RBM25: variants seen among roughly 807,000 people sequenced by gnomAD.
RBM25 encodes the protein RNA binding motif protein 25.
A neutral mutation model predicts 120.7 loss-of-function variants in RBM25; 19 were observed. The observed-to-expected ratio is 0.16, with a 90% CI of 0.11 to 0.23. The LOEUF (loss-of-function observed/expected upper bound fraction) is 0.23. Ranked by LOEUF, RBM25 falls within the 10% of genes least tolerant of loss-of-function variation. The probability of loss-of-function intolerance (pLI) is 1.00; values close to 1 mark genes in which losing one functional copy is unlikely to be tolerated. For missense variants in RBM25, 605 were observed against 1,041.5 expected (o/e 0.58, Z 5.77); for synonymous variants, 390 against 326.7 (o/e 1.19, Z -2.09).
chr14:73,115,153 CGTGTGT>C (rs33924709), intron 18 of RBM25, among the ~76,000 whole-genome samples: 4,554 of 146,724 alleles, frequency 0.031, 90 homozygotes, highest in Non-Finnish European at 0.039. Flanking sequence ...GGAACTGATA[CGTGTGT>C]GTGTGTGTGT....
chr14:73,107,366 G>C (rs1814001896), intron 12 of RBM25: 1 of 153,136 alleles, frequency 6.5e-6, no homozygotes, highest in South Asian at 2.0e-4. Context: ...AAATTTAAGA[G>C]GACAAGAAAA....
At chr14:73,104,425 G>A (rs2140456503) in intron 10 of RBM25, among the ~76,000 whole-genome samples, 1 of 151,072 alleles carries the variant, frequency 6.6e-6, no homozygotes, top group Non-Finnish European at 1.5e-5. Context: ...TTGGAGTGCA[G>A]TGGTACAGTG....
At chr14:73,111,989 TGAA>T (rs1896318792) in intron 16 of RBM25, among the ~76,000 whole-genome samples, 160 bp from the exon 17 acceptor site, 1 of 152,234 alleles carries the variant, frequency 6.6e-6, no homozygotes, top group Non-Finnish European at 1.5e-5. Context: ...TTGTGCTACT[TGAA>T]GACTTACTAA....
chr14:73,090,259 C>T (rs1273589560), intron 6 of RBM25, among the ~76,000 whole-genome samples: 2 of 151,872 alleles, frequency 1.3e-5, no homozygotes, highest in African/African-American at 4.8e-5. Flanking sequence ...CCATGTCTTC[C>T]AGGCTGGTCT....
In RBM25 at chr14:73,077,519, A is replaced by G; in HGVS notation, c.307A>G (p.Ile103Val). The part of the protein sequence containing the change: ...NISEKASDML[I>V]RQLLAKCGLV... Reference sequence around the variant, plus strand: ...TTCCGAGAAAGCTTCAGACATGCTTATAAGACAACTCTTAGCTGTAAGTTA... The same window carrying G: ...TTCCGAGAAAGCTTCAGACATGCTTGTAAGACAACTCTTAGCTGTAAGTTA... Residue 103 changes from isoleucine to valine, a missense_variant, in exon 4 of 19, where the codon ATA becomes GTA. Ile to Val is a conservative substitution (Grantham distance 29). This residue lies in a region of RBM25 where 27 missense variants were observed against 109.4 expected (regional missense o/e 0.25). Transcript: ENST00000261973. 2 of 1,612,274 alleles carry G rather than the reference A, an allele frequency of 1.2e-6. No individual in the cohort carries two copies. The highest frequency in any genetic ancestry group is 1.7e-6 in the Non-Finnish European group (2 of 1,179,454).
intron 9 of RBM25, chr14:73,101,646 CTG>C (rs1351845288): frequency 6.6e-6 from 1 of 151,590 alleles, no homozygotes; most frequent in Admixed American, 6.6e-5. Flanking sequence ...ATTTATATAA[CTG>C]AATATAAGGA....
At position 73,097,446 on chromosome 14, in the gene RBM25, G is replaced by A. The variant is rs561614306; in HGVS notation, c.729+346G>A. ...AATCTCGTGACCTCGTGGTCGACCC[G>A]CCTCGGCCTCCCACAGTGCTGGGAT... On this transcript the variant is annotated intron_variant, in intron 7 of 18. Coordinates refer to ENST00000261973, the MANE Select transcript of RBM25 (RefSeq NM_021239.3). Among the ~76,000 whole-genome samples the A allele has an allele frequency of 3.3e-5, 5 of 152,080 alleles. No homozygotes were observed. The South Asian group carries it at 1.0e-3, about 32-fold the overall frequency.
intron 1 of RBM25, among the ~76,000 whole-genome samples, chr14:73,062,890 G>A (rs1030423616): frequency 4.1e-5 from 6 of 146,336 alleles, no homozygotes; most frequent in East Asian, 2.0e-4. Context: ...GTGTGAGCTC[G>A]GCTCATTGCA....
At chr14:73,112,584 A>G (rs1389123742) in intron 17 of RBM25, among the ~76,000 whole-genome samples, 7 of 152,012 alleles carry the variant, frequency 4.6e-5, no homozygotes, top group Admixed American at 2.0e-4. Context: ...ATGCTGTGCC[A>G]TCTTCTTCTT....
intron 6 of RBM25, among the ~76,000 whole-genome samples, chr14:73,092,901 G>A (rs148844212): frequency 1.3e-5 from 2 of 152,260 alleles, no homozygotes; most frequent in African/African-American, 4.8e-5. Flanking sequence ...TTGCGCATGT[G>A]TAAGGTGTCT....
chr14:73,099,682 A>G lies in RBM25; in HGVS notation c.799A>G (p.Ile267Val). ...PLITKEDINA[I>V]EMEEDKRDLI... ...TTTCTTTTAGGAGGATATAAATGCTATAGAAATGGAAGAAGACAAAAGAGA... is the reference window on the plus strand; with the variant it reads ...TTTCTTTTAGGAGGATATAAATGCTGTAGAAATGGAAGAAGACAAAAGAGA... The change falls in exon 9 of 19, where the codon ATA (isoleucine) becomes GTA (valine). Residue 267 changes from isoleucine to valine, a missense_variant. This residue lies in a region of RBM25 where 465 missense variants were observed against 741.6 expected (regional missense o/e 0.63). Transcript: ENST00000261973. The G allele has an allele frequency of 6.2e-7, 1 of 1,602,870 alleles. No individual in the cohort carries two copies. The highest frequency in any genetic ancestry group is 8.5e-7 in the Non-Finnish European group (1 of 1,177,364).
chr14:73,073,788 G>A (rs1895349422), intron 2 of RBM25, among the ~76,000 whole-genome samples: 1 of 152,154 alleles, frequency 6.6e-6, no homozygotes, highest in Non-Finnish European at 1.5e-5. Context: ...TTGTAGTGGA[G>A]CTGCTTTACG....
chr14:73,080,697 C>T (rs1594906804), intron 4 of RBM25, among the ~76,000 whole-genome samples: 1 of 152,222 alleles, frequency 6.6e-6, no homozygotes, highest in South Asian at 2.1e-4. Context: ...GTCTCCCTTC[C>T]CTACTTCCTT....
chr14:73,068,276 T>G (rs1895190540), intron 1 of RBM25: 8 of 845,660 alleles, frequency 9.5e-6, no homozygotes, highest in South Asian at 6.6e-5. Flanking sequence ...CCCAATAGAT[T>G]TGGTTTGTGG....
At chr14:73,059,016 T>C (rs1841826343) in intron 1 of RBM25, among the ~76,000 whole-genome samples, 2 of 151,438 alleles carry the variant, frequency 1.3e-5, no homozygotes, top group Non-Finnish European at 2.9e-5. Context: ...CTGCCCCCCC[T>C]GGGCTCCACG....
intron 4 of RBM25, among the ~76,000 whole-genome samples, chr14:73,078,700 A>G (rs533470315): frequency 3.3e-5 from 5 of 152,234 alleles, no homozygotes; most frequent in Non-Finnish European, 5.9e-5. Flanking sequence ...TGCCTCCTGT[A>G]TTTAAGTGAT....
intron 6 of RBM25, among the ~76,000 whole-genome samples, chr14:73,090,509 G>T (rs763362634): frequency 1.1e-4 from 16 of 152,100 alleles, no homozygotes; most frequent in Admixed American, 2.6e-4. Context: ...CAAGCTCCCT[G>T]TTGAAATTCT....
chr14:73,067,891 G>A (rs1403290690), intron 1 of RBM25, among the ~76,000 whole-genome samples: 1 of 151,798 alleles, frequency 6.6e-6, no homozygotes, highest in Non-Finnish European at 1.5e-5. Flanking sequence ...GAGCCACCGC[G>A]CCCGGCCTGT....
At chr14:73,067,210 C>G (rs1895159847) in intron 1 of RBM25, among the ~76,000 whole-genome samples, 1 of 151,632 alleles carries the variant, frequency 6.6e-6, no homozygotes, top group South Asian at 2.1e-4. Flanking sequence ...GCTGGGACTA[C>G]AGGCACCTGC....
Sources: allele counts gnomAD v4.1 joint callset (sites outside exome capture counted in the v4.1 genomes callset), GRCh38; gene constraint gnomAD v4.1.1; regional missense constraint gnomAD v4.1.1; transcripts MANE v1.5; gene names NCBI Gene and HGNC (gene_info 2026-07-23, HGNC 2026-07-21).